The following CCDC178 variants were observed in gnomAD, a reference collection of about 807,000 sequenced individuals.
CCDC178 encodes the protein coiled-coil domain containing 178.
Under a neutral mutation model 117.4 loss-of-function variants are expected in CCDC178, and 126 were observed. The ratio of observed to expected loss-of-function variants is 1.07; its 90% CI spans 0.93 to 1.24. The LOEUF (loss-of-function observed/expected upper bound fraction) is 1.24, where lower values mean the gene tolerates loss of function less well. Among genes scored for constraint, CCDC178 ranks in the 50% most tolerant of loss-of-function variants. The pLI, the probability that CCDC178 is intolerant of heterozygous loss-of-function variation, is 0.00. For synonymous variants in CCDC178, 283 were observed against 313.4 expected, an observed-to-expected ratio of 0.90 and a Z score of 1.02; for missense variants, 1,030 against 986.9, an observed-to-expected ratio of 1.04 and a Z score of -0.59.
intron 22 of CCDC178, among the ~76,000 whole-genome samples, chr18:32,946,751 T>G (rs2054360471): frequency 6.7e-6 from 1 of 149,064 alleles, no homozygotes; most frequent in African/African-American, 2.5e-5. Flanking sequence ...GTTTTTGTTG[T>G]TTTTTTTGTT....
chr18:33,034,730 C>A (rs948168238), intron 21 of CCDC178, among the ~76,000 whole-genome samples: 1 of 151,826 alleles, frequency 6.6e-6, no homozygotes. Context: ...CAGATCCTAG[C>A]CTGAAATTTT....
At chr18:33,298,856 A>G (rs1052328629) in intron 11 of CCDC178, among the ~76,000 whole-genome samples, 1 of 152,072 alleles carries the variant, frequency 6.6e-6, no homozygotes, top group Admixed American at 6.5e-5. Flanking sequence ...TAACCAAAAA[A>G]TAAATTAAAA....
rs760077046 is a variant in CCDC178 at position 33,266,925 on chromosome 18, G to T, written c.1400C>A (p.Thr467Asn). The change falls in exon 14 of 23, where the codon ACC (threonine) becomes AAC (asparagine). Residue 467 changes from threonine (T) to asparagine (N), a missense_variant. Coordinates refer to ENST00000383096, the MANE Select transcript of CCDC178 (RefSeq NM_001105528.4). ...GTATTTGCAAATTTACCTTTCATTGGTTTTTACTGTTATTTTGTTAATATC... is the reference window on the plus strand; with the variant it reads ...GTATTTGCAAATTTACCTTTCATTGTTTTTTACTGTTATTTTGTTAATATC... ...EIDINKITVK[T>N]NESIRKKSKY... 112 of 1,571,864 alleles carry T rather than the reference G, an allele frequency of 7.1e-5. No individual in the cohort carries two copies. The highest frequency in any genetic ancestry group is 1.2e-4 in the South Asian group (10 of 84,610).
chr18:33,239,705 ATATAAAGCAAC>A (rs147680446), intron 15 of CCDC178, among the ~76,000 whole-genome samples: 152 of 152,108 alleles, frequency 1.0e-3, no homozygotes, highest in Non-Finnish European at 1.8e-3. Flanking sequence ...GCACCCAGAT[ATATAAAGCAAC>A]TATTATTAGA....
intron 21 of CCDC178, among the ~76,000 whole-genome samples, chr18:33,023,888 A>G (rs2056172191): frequency 6.6e-6 from 1 of 152,188 alleles, no homozygotes; most frequent in South Asian, 2.1e-4. Context: ...CAAGTTACTA[A>G]TATCAGAAAC....
chr18:33,305,499 T>C (rs2062236145), intron 11 of CCDC178, among the ~76,000 whole-genome samples: 2 of 152,172 alleles, frequency 1.3e-5, no homozygotes, highest in Admixed American at 6.5e-5. Flanking sequence ...TGTTTTATTC[T>C]GAGTAGAGAC....
At chr18:33,175,092 G>A (rs1261240587) in intron 20 of CCDC178, among the ~76,000 whole-genome samples, 1 of 145,444 alleles carries the variant, frequency 6.9e-6, no homozygotes, top group Non-Finnish European at 1.5e-5. Context: ...GTTGGCGGCT[G>A]GTCTCTAACT....
chr18:33,056,662 G>A (rs1355899809), intron 21 of CCDC178, among the ~76,000 whole-genome samples: 1 of 152,174 alleles, frequency 6.6e-6, no homozygotes, highest in Non-Finnish European at 1.5e-5. Flanking sequence ...AATATTAGAA[G>A]TTGGAAAATG....
At chr18:33,243,728 T>C (rs1457633573) in intron 15 of CCDC178, among the ~76,000 whole-genome samples, 2 of 151,852 alleles carry the variant, frequency 1.3e-5, no homozygotes, top group East Asian at 1.9e-4. Context: ...TGAAGCAATA[T>C]GTTCAAAGAA....
chr18:33,395,246 T>G (rs1321162345), intron 4 of CCDC178, among the ~76,000 whole-genome samples: 1 of 151,712 alleles, frequency 6.6e-6, no homozygotes, highest in African/African-American at 2.4e-5. Flanking sequence ...ATTTTTAAAA[T>G]ATTTCTGTAC....
At chr18:33,250,830 T>TAC (rs1307369724) in intron 14 of CCDC178, among the ~76,000 whole-genome samples, 4 of 151,248 alleles carry the variant, frequency 2.6e-5, no homozygotes, top group Admixed American at 6.6e-5. Flanking sequence ...CTGAAAAAAT[T>TAC]ACACACACAC....
intron 20 of CCDC178, among the ~76,000 whole-genome samples, chr18:33,143,658 G>A (rs902775626): frequency 1.3e-5 from 2 of 152,092 alleles, no homozygotes; most frequent in Non-Finnish European, 2.9e-5. Flanking sequence ...CAACAGATAA[G>A]CGTGATGGTT....
chr18:33,288,210 T>G, intron 12 of CCDC178, among the ~76,000 whole-genome samples: 1 of 147,712 alleles, frequency 6.8e-6, no homozygotes, highest in Non-Finnish European at 1.5e-5. Flanking sequence ...CTTCCCTACC[T>G]CCCTCCTCCT....
intron 20 of CCDC178, among the ~76,000 whole-genome samples, chr18:33,112,447 C>T (rs1366429807): frequency 6.6e-6 from 1 of 151,814 alleles, no homozygotes; most frequent in Non-Finnish European, 1.5e-5. Context: ...GCCTACTAGC[C>T]ATATTTAAAA....
intron 5 of CCDC178, among the ~76,000 whole-genome samples, chr18:33,378,164 C>T (rs1404220006): frequency 6.6e-6 from 1 of 152,140 alleles, no homozygotes; most frequent in African/African-American, 2.4e-5. Context: ...CTTTCACCTC[C>T]TGGTTAGAGG....
At chr18:33,313,960 G>A (rs1338835008) in intron 11 of CCDC178, among the ~76,000 whole-genome samples, 1 of 151,880 alleles carries the variant, frequency 6.6e-6, no homozygotes, top group African/African-American at 2.4e-5. Context: ...CAGCACTTTG[G>A]GAGGCCGAGG....
intron 8 of CCDC178, among the ~76,000 whole-genome samples, chr18:33,347,519 C>T (rs139594448): frequency 1.4e-4 from 21 of 152,218 alleles, no homozygotes; most frequent in African/African-American, 5.1e-4. Flanking sequence ...CTTTATTTGG[C>T]ATCTTTGAAT....
chr18:33,375,420 A>G (rs1036003615), intron 5 of CCDC178, among the ~76,000 whole-genome samples: 3 of 152,150 alleles, frequency 2.0e-5, no homozygotes, highest in Admixed American at 2.0e-4. Context: ...AGCTCCTTGC[A>G]AAAATGTACA....
chr18:33,261,238 C>T (rs1055163736), intron 14 of CCDC178, among the ~76,000 whole-genome samples: 4 of 152,182 alleles, frequency 2.6e-5, no homozygotes, highest in African/African-American at 4.8e-5. Flanking sequence ...CGCCCGCCAC[C>T]ACGCCCGGCT....
Sources: gnomAD v4.1 joint callset for allele counts (sites outside exome capture counted in the v4.1 genomes callset) on GRCh38, gnomAD v4.1.1 for gene constraint, MANE v1.5 for transcripts, NCBI Gene and HGNC (gene_info 2026-07-23, HGNC 2026-07-21) for gene names.